The following EFNA5 variants were observed in gnomAD, a reference collection of about 807,000 sequenced individuals.
EFNA5 encodes ephrin A5.
EFNA5 carries 5 observed loss-of-function variants against 22.9 expected under a neutral mutation model. The observed-to-expected ratio is 0.22, with a 90% CI of 0.11 to 0.46. The LOEUF is 0.46. Ranked by LOEUF, EFNA5 falls within the 20% of genes least tolerant of loss-of-function variation. The pLI, the probability that EFNA5 is intolerant of heterozygous loss-of-function variation, is 0.99. For missense variants in EFNA5, 237 were observed against 293.3 expected (o/e 0.81, Z 1.40); for synonymous variants, 113 against 112.2 (o/e 1.01, Z -0.04).
In EFNA5 at chr5:107,415,895, A is replaced by T. The variant is rs953570768; in HGVS notation, c.418+11322T>A. The stretch of plus-strand genomic sequence containing the variant: ...GGTAAGGCAATCCCTGGCATGGAGC[A>T]TCATGTTAACAAGCTGCAATGTTGA... On this transcript the variant is annotated intron_variant, in intron 2 of 4. Coordinates refer to ENST00000333274, the MANE Select transcript of EFNA5 (RefSeq NM_001962.3). Among the ~76,000 whole-genome samples the T allele has an allele frequency of 3.9e-5, 6 of 152,354 alleles. No homozygotes were observed. In the South Asian group the frequency reaches 6.2e-4, roughly 16 times the overall value.
rs573414669 is a variant in EFNA5 at position 107,625,220 on chromosome 5, T to C, written c.125+45269A>G. Among the ~76,000 whole-genome samples the C allele has an allele frequency of 3.3e-5, 5 of 152,278 alleles. No individual in the cohort carries two copies. In the East Asian group the frequency reaches 7.7e-4, roughly 23 times the overall value. On this transcript the variant is annotated intron_variant, in intron 1 of 4. Coordinates refer to ENST00000333274, the MANE Select transcript of EFNA5 (RefSeq NM_001962.3). ...TGAATAGCCATTGGTTTGACTCAAC[T>C]GAGAAAATTTCATTGGCTGTTTTGA...
chr5:107,386,039 G>T (rs2112486401), intron 4 of EFNA5, among the ~76,000 whole-genome samples: 1 of 146,040 alleles, frequency 6.8e-6, no homozygotes, highest in Admixed American at 7.3e-5. Flanking sequence ...TTTACTCAGG[G>T]TAAGTTTCCC....
chr5:107,383,196 G>A (rs1454945780), intron 4 of EFNA5, among the ~76,000 whole-genome samples: 10 of 152,176 alleles, frequency 6.6e-5, no homozygotes, highest in African/African-American at 2.4e-4. Flanking sequence ...GCATCCCCTT[G>A]TCAAATGTGC....
intron 2 of EFNA5, among the ~76,000 whole-genome samples, chr5:107,394,469 G>C (rs369005111): frequency 5.5e-4 from 84 of 152,304 alleles, no homozygotes; most frequent in African/African-American, 1.9e-3. Context: ...CACATAACAA[G>C]AGGGATAGAA....
intron 1 of EFNA5, among the ~76,000 whole-genome samples, chr5:107,478,462 A>T (rs1375326025): frequency 6.6e-6 from 1 of 152,200 alleles, no homozygotes; most frequent in African/African-American, 2.4e-5. Context: ...ATCTACACAG[A>T]TGTCGGGAGA....
At chr5:107,586,469 G>A (rs1361368985) in intron 1 of EFNA5, among the ~76,000 whole-genome samples, 4 of 152,098 alleles carry the variant, frequency 2.6e-5, no homozygotes, top group African/African-American at 7.2e-5. Context: ...ATGAACAGAG[G>A]GTAAAAATGT....
intron 1 of EFNA5, among the ~76,000 whole-genome samples, chr5:107,630,433 C>T (rs921434479): frequency 1.3e-5 from 2 of 152,048 alleles, no homozygotes; most frequent in Non-Finnish European, 2.9e-5. Flanking sequence ...AATTGTGACA[C>T]AATGGTAAAT....
intron 1 of EFNA5, among the ~76,000 whole-genome samples, chr5:107,526,817 T>C (rs563603641): frequency 3.3e-5 from 5 of 152,318 alleles, no homozygotes; most frequent in African/African-American, 9.6e-5. Context: ...GAAATTCTAC[T>C]TTCTTCAATA....
intron 1 of EFNA5, among the ~76,000 whole-genome samples, chr5:107,487,676 A>C (rs533396123): frequency 6.6e-6 from 1 of 152,174 alleles, no homozygotes; most frequent in Non-Finnish European, 1.5e-5. Flanking sequence ...TGAGCAGCAA[A>C]ATGATAATTT....
In EFNA5 at chr5:107,544,305, C is replaced by T. The variant is rs171671; in HGVS notation, c.126-116796G>A. Among the ~76,000 whole-genome samples the T allele has an allele frequency of 2.0e-5, 3 of 152,278 alleles. No homozygotes were observed. The South Asian group carries it at 6.2e-4, about 32-fold the overall frequency. Reference sequence around the variant, plus strand: ...GTAAATGCTGGGGCTCAGCCCCACACAGGGCTTTGAAAATCTCTCAACGCG... The same window carrying T: ...GTAAATGCTGGGGCTCAGCCCCACATAGGGCTTTGAAAATCTCTCAACGCG... On this transcript the variant is annotated intron_variant, in intron 1 of 4. Transcript: ENST00000333274.
intron 1 of EFNA5, among the ~76,000 whole-genome samples, chr5:107,525,288 G>A (rs967479025): frequency 6.6e-6 from 1 of 152,142 alleles, no homozygotes; most frequent in Non-Finnish European, 1.5e-5. Context: ...AGATATGTGT[G>A]TGTGTATATA....
chr5:107,615,874 A>G (rs555505786), intron 1 of EFNA5, among the ~76,000 whole-genome samples: 2 of 152,168 alleles, frequency 1.3e-5, no homozygotes, highest in Non-Finnish European at 2.9e-5. Context: ...TTAGACACAC[A>G]CACCTTGTTT....
At chr5:107,410,939 T>C (rs1379267061) in intron 2 of EFNA5, among the ~76,000 whole-genome samples, 1 of 152,204 alleles carries the variant, frequency 6.6e-6, no homozygotes, top group Non-Finnish European at 1.5e-5. Flanking sequence ...ACAGGATGTT[T>C]TCCATTCTTT....
intron 1 of EFNA5, among the ~76,000 whole-genome samples, chr5:107,508,400 C>G (rs1022868767): frequency 3.3e-5 from 5 of 152,180 alleles, no homozygotes; most frequent in African/African-American, 1.2e-4. Context: ...AACACACACA[C>G]AGACGAATGT....
At chr5:107,641,799 A>C (rs1237208765) in intron 1 of EFNA5, among the ~76,000 whole-genome samples, 1 of 152,164 alleles carries the variant, frequency 6.6e-6, no homozygotes, top group Non-Finnish European at 1.5e-5. Flanking sequence ...AATTAGCCTT[A>C]ATCTAAAGAG....
chr5:107,542,829 T>G (rs1479185654), intron 1 of EFNA5, among the ~76,000 whole-genome samples: 1 of 152,174 alleles, frequency 6.6e-6, no homozygotes, highest in African/African-American at 2.4e-5. Flanking sequence ...GTTAGAAGTG[T>G]TTTTAATCAC....
chr5:107,661,772 A>G (rs530195129), intron 1 of EFNA5, among the ~76,000 whole-genome samples: 2 of 152,358 alleles, frequency 1.3e-5, no homozygotes, highest in Admixed American at 1.3e-4. Flanking sequence ...TAAATGTAAC[A>G]AAGTTGTATA....
chr5:107,428,607 C>T (rs1580445313), intron 1 of EFNA5, among the ~76,000 whole-genome samples: 6 of 152,342 alleles, frequency 3.9e-5, no homozygotes, highest in East Asian at 1.9e-4. Context: ...GCGTACAAAA[C>T]TCCTTTGTTT....
intron 1 of EFNA5, among the ~76,000 whole-genome samples, chr5:107,429,545 T>G (rs1264493254): frequency 6.6e-6 from 1 of 152,204 alleles, no homozygotes; most frequent in Non-Finnish European, 1.5e-5. Context: ...TGTGAAAAAG[T>G]AGAGACACCA....
Sources: allele counts gnomAD v4.1 joint callset (sites outside exome capture counted in the v4.1 genomes callset), GRCh38; gene constraint gnomAD v4.1.1; transcripts MANE v1.5; gene names NCBI Gene and HGNC (gene_info 2026-07-23, HGNC 2026-07-21).